Variants in CFAP100 observed in about 807,000 individuals in gnomAD.
CFAP100 encodes the protein cilia and flagella associated protein 100, also known as cilia- and flagella-associated protein 100.
Under a neutral mutation model 81.5 loss-of-function variants are expected in CFAP100, and 70 were observed. The observed-to-expected ratio is 0.86, with a 90% CI of 0.71 to 1.05. CFAP100 has a LOEUF of 1.05. CFAP100 is among the 50% of genes least tolerant of loss of function. The pLI, the probability that CFAP100 is intolerant of heterozygous loss-of-function variation, is 0.00. For synonymous variants in CFAP100, 341 were observed against 314.8 expected (o/e 1.08, Z -0.88); for missense variants, 811 against 776.5 (o/e 1.04, Z -0.53).
chr3:126,416,595 T>C (rs973842307), intron 5 of CFAP100, 87 bp downstream of exon 5: 3 of 1,159,368 alleles, frequency 2.6e-6, no homozygotes, highest in African/African-American at 1.6e-5. Context: ...TCCGTGCCAC[T>C]CATCTTGCAC....
intron 11 of CFAP100, among the ~76,000 whole-genome samples, chr3:126,422,739 T>C (rs1245912520): frequency 6.6e-6 from 1 of 151,980 alleles, no homozygotes; most frequent in Non-Finnish European, 1.5e-5. Flanking sequence ...TTGCTGTGAG[T>C]GGGACCCCCA....
chr3:126,411,439 T>G (rs1321005186), intron 3 of CFAP100, among the ~76,000 whole-genome samples: 1 of 146,708 alleles, frequency 6.8e-6, no homozygotes, highest in Non-Finnish European at 1.5e-5. Flanking sequence ...CTTCATTCTA[T>G]GAGGATCTCT....
intron 5 of CFAP100, among the ~76,000 whole-genome samples, chr3:126,417,229 G>A (rs2083258643): frequency 6.6e-6 from 1 of 152,192 alleles, no homozygotes; most frequent in Non-Finnish European, 1.5e-5. Context: ...TCCTTTCCTG[G>A]CTGATAACAG....
At chr3:126,398,052 G>A (rs755776631) in intron 2 of CFAP100, among the ~76,000 whole-genome samples, 1 of 152,242 alleles carries the variant, frequency 6.6e-6, no homozygotes, top group Non-Finnish European at 1.5e-5. Context: ...ATTGGCCTCT[G>A]CCCAGATGAC....
Position 126,423,785 on chromosome 3 carries a change from C to T in CFAP100, c.1286+141C>T, listed in dbSNP as rs746979009. 9 of 1,078,098 alleles carry T rather than the reference C, an allele frequency of 8.3e-6. No homozygotes were observed. In the South Asian group the frequency reaches 9.5e-5, roughly 11 times the overall value. 66.8% of individuals were successfully genotyped at this position (1,078,098 alleles called of 1,614,324 possible). ...TCCAGGTTGTCTGAAAAGCTCCGAG[C>T]GAAGCTCCGTTTGTGGGCCGGATCC... On this transcript the variant is annotated intron_variant, in intron 13 of 16. Transcript: ENST00000352312.
chr3:126,435,193 C>T (rs1424352328), intron 15 of CFAP100, among the ~76,000 whole-genome samples: 2 of 152,132 alleles, frequency 1.3e-5, no homozygotes, highest in Non-Finnish European at 2.9e-5. Context: ...CAGGGGGATG[C>T]TGGCCTTCAT....
chr3:126,432,869 G>A lies in CFAP100; in HGVS notation c.1287-200G>A. On this transcript the variant is annotated intron_variant, in intron 13 of 16. Coordinates refer to ENST00000352312, the MANE Select transcript of CFAP100 (RefSeq NM_182628.3). ...GAAGCTGTTTATTTTCTTTAATGTTGATTGTTAAATATTTTACATTTTCCC... is the reference window on the plus strand; with the variant it reads ...GAAGCTGTTTATTTTCTTTAATGTTAATTGTTAAATATTTTACATTTTCCC... 4.4e-6 allele frequency: 2 copies of A among 454,630 alleles called. 1 individual carries two copies. Among genetic ancestry groups the A allele is most frequent in the East Asian group, 6.7e-5 (2 of 29,650 alleles). The allele number at this position is 454,630 out of a possible 1,614,324, so 28.2% of individuals were successfully genotyped here.
intron 9 of CFAP100, 41 bp downstream of exon 9, chr3:126,419,859 CA>C: frequency 6.2e-7 from 1 of 1,609,962 alleles, no homozygotes; most frequent in Non-Finnish European, 8.5e-7. Context: ...TGGGCTCTGC[CA>C]GTGGCCCACT....
At chr3:126,432,441 C>T (rs1933272771) in intron 13 of CFAP100, among the ~76,000 whole-genome samples, 1 of 152,076 alleles carries the variant, frequency 6.6e-6, no homozygotes. Context: ...GGAAACAACC[C>T]AAATGCCCAT....
At chr3:126,410,066 T>A (rs1282417522) in intron 3 of CFAP100, among the ~76,000 whole-genome samples, 3 of 152,146 alleles carry the variant, frequency 2.0e-5, no homozygotes, top group Non-Finnish European at 2.9e-5. Flanking sequence ...CTGGGCATGG[T>A]GTTGGGAGCC....
intron 13 of CFAP100, among the ~76,000 whole-genome samples, chr3:126,427,410 T>C (rs1323369961): frequency 6.6e-6 from 1 of 152,196 alleles, no homozygotes; most frequent in Non-Finnish European, 1.5e-5. Flanking sequence ...TGTGGAGCAA[T>C]GGATAACCAA....
intron 13 of CFAP100, 101 bp downstream of exon 13, chr3:126,423,745 G>C: frequency 7.0e-7 from 1 of 1,420,924 alleles, no homozygotes; most frequent in Non-Finnish European, 9.8e-7. Context: ...ACACCCGTCC[G>C]TGGCCCTGGC....
At chr3:126,395,845 T>G (rs1033276895) in intron 1 of CFAP100, 97 bp from the exon 2 acceptor site, 1 of 633,496 alleles carries the variant, frequency 1.6e-6, no homozygotes, top group East Asian at 2.7e-5. Flanking sequence ...CCCCACAAGG[T>G]GAGCCCTCAG....
At chr3:126,402,358 G>A (rs754767989) in intron 2 of CFAP100, among the ~76,000 whole-genome samples, 8 of 152,232 alleles carry the variant, frequency 5.3e-5, no homozygotes, top group Admixed American at 1.3e-4. Context: ...GGTGCACCAC[G>A]CAGGGCTGTG....
chr3:126,397,034 A>G (rs2082900862), intron 2 of CFAP100, among the ~76,000 whole-genome samples: 1 of 152,212 alleles, frequency 6.6e-6, no homozygotes, highest in African/African-American at 2.4e-5. Context: ...CTACCAGCTC[A>G]GTGCACATAC....
At chr3:126,397,661 G>C (rs907223536) in intron 2 of CFAP100, among the ~76,000 whole-genome samples, 6 of 152,220 alleles carry the variant, frequency 3.9e-5, no homozygotes, top group Non-Finnish European at 1.5e-5. Context: ...TGGCACCCAG[G>C]GCCAGGGGTC....
chr3:126,413,151 T>C (rs553748461), intron 3 of CFAP100, among the ~76,000 whole-genome samples: 32 of 152,272 alleles, frequency 2.1e-4, no homozygotes, highest in African/African-American at 5.3e-4. Flanking sequence ...CGAGTGCAGA[T>C]TGGGGAGGTG....
In CFAP100 at chr3:126,401,397, T is replaced by TTATATATATA. The variant is rs58055481; in HGVS notation, c.49+5385_49+5394dup. ...ATGGCATAAAATGGCAAATCGTATT[T>TTATATATATA]TATATATATATATATATATATATAT... On this transcript the variant is annotated intron_variant, in intron 2 of 16. Coordinates refer to ENST00000352312, the MANE Select transcript of CFAP100 (RefSeq NM_182628.3). 2.0e-3 allele frequency among the ~76,000 whole-genome samples: 152 copies of TTATATATATA among 76,154 alleles called. 4 individuals carry two copies. Among genetic ancestry groups the TTATATATATA allele is most frequent in the Non-Finnish European group, 2.6e-3 (98 of 37,108 alleles). 50.0% of individuals were successfully genotyped at this position (76,154 alleles called of 152,430 possible).
chr3:126,423,541 C>A lies in CFAP100; in HGVS notation c.1183C>A (p.Arg395=), dbSNP rs144967893. The A allele has an allele frequency of 2.5e-6, 4 of 1,614,036 alleles. No homozygotes were observed. The highest frequency in any genetic ancestry group is 4.5e-5 in the East Asian group (2 of 44,884). Reference sequence around the variant, plus strand: ...GCCCCAGCAGCTCCTGGATGTCTTCCGAGAGCTGGAGGAGCAGAACCTGTC... The same window carrying A: ...GCCCCAGCAGCTCCTGGATGTCTTCAGAGAGCTGGAGGAGCAGAACCTGTC... The part of the protein sequence containing the change: ...TEPQQLLDVF[R]ELEEQNLSLI... Residue 395 remains arginine, a synonymous_variant, in exon 13 of 17, where the codon CGA becomes AGA. Transcript: ENST00000352312.
Sources: allele counts gnomAD v4.1 joint callset (sites outside exome capture counted in the v4.1 genomes callset), GRCh38; gene constraint gnomAD v4.1.1; transcripts MANE v1.5; gene names NCBI Gene and HGNC (gene_info 2026-07-23, HGNC 2026-07-21).